The following PACSIN2 variants were observed in gnomAD, a reference collection of about 807,000 sequenced individuals.
The protein encoded by PACSIN2 is protein kinase C and casein kinase substrate in neurons 2.
PACSIN2 carries 25 observed loss-of-function variants against 63.8 expected under a neutral mutation model. The ratio of observed to expected loss-of-function variants is 0.39; its 90% confidence interval spans 0.29 to 0.55. PACSIN2 has a LOEUF of 0.55. Among genes scored for constraint, PACSIN2 ranks in the 20% least tolerant of loss-of-function variants. The probability of loss-of-function intolerance (pLI) is 0.62; values close to 1 mark genes in which losing one functional copy is unlikely to be tolerated. For missense variants in PACSIN2, 518 were observed against 646.9 expected, an observed-to-expected ratio of 0.80 and a Z score of 2.16; for synonymous variants, 255 against 256.2, an observed-to-expected ratio of 1.00 and a Z score of 0.05.
intron 10 of PACSIN2, among the ~76,000 whole-genome samples, chr22:42,872,818 C>G (rs768369333): frequency 1.3e-5 from 2 of 152,256 alleles, no homozygotes; most frequent in African/African-American, 2.4e-5. Context: ...CAGACCAGTG[C>G]GCCTGCAGAT....
chr22:42,928,028 A>C (rs1301533310), intron 1 of PACSIN2, among the ~76,000 whole-genome samples: 1 of 152,148 alleles, frequency 6.6e-6, no homozygotes, highest in East Asian at 1.9e-4. Context: ...TGCAGCTTCC[A>C]CTTCTGTCCC....
At chr22:42,973,062 C>A (rs1444010820) in intron 1 of PACSIN2, among the ~76,000 whole-genome samples, 1 of 152,156 alleles carries the variant, frequency 6.6e-6, no homozygotes, top group Non-Finnish European at 1.5e-5. Context: ...TTTGACAGGG[C>A]AGTCATATAT....
chr22:42,904,919 C>G (rs1299576035), intron 2 of PACSIN2, among the ~76,000 whole-genome samples: 1 of 152,234 alleles, frequency 6.6e-6, no homozygotes. Context: ...CCACAAATGT[C>G]TCCATGGAGC....
intron 1 of PACSIN2, among the ~76,000 whole-genome samples, chr22:42,983,784 T>TG (rs1922412324): frequency 6.6e-6 from 1 of 151,258 alleles, no homozygotes; most frequent in East Asian, 2.0e-4. Flanking sequence ...CCCTAAACTA[T>TG]GTATTGTTTT....
intron 5 of PACSIN2, 46 bp from the exon 6 acceptor site, chr22:42,884,607 C>G (rs771508638): frequency 6.5e-7 from 1 of 1,547,838 alleles, no homozygotes; most frequent in Admixed American, 1.8e-5. Context: ...TTCCATTTAG[C>G]CCTTGGCTCA....
intron 4 of PACSIN2, 140 bp downstream of exon 4, chr22:42,890,807 A>G (rs774189603): frequency 1.1e-5 from 7 of 640,520 alleles, no homozygotes; most frequent in Non-Finnish European, 1.9e-5. Context: ...TTCTAGCCTG[A>G]GGAGTGGCTT....
At chr22:42,890,230 G>A (rs979639441) in intron 4 of PACSIN2, among the ~76,000 whole-genome samples, 6 of 152,174 alleles carry the variant, frequency 3.9e-5, no homozygotes, top group Middle Eastern at 3.4e-3. Context: ...TCAATCTCCT[G>A]ACCTCGTGAT....
intron 6 of PACSIN2, among the ~76,000 whole-genome samples, chr22:42,884,005 C>CA (rs113630394): frequency 0.028 from 3,759 of 133,948 alleles, 124 homozygotes; most frequent in African/African-American, 0.087. Context: ...GACTCCGTCT[C>CA]AAAAAAAAAA....
chr22:42,949,411 T>C (rs1601565804), intron 1 of PACSIN2, among the ~76,000 whole-genome samples: 1 of 152,106 alleles, frequency 6.6e-6, no homozygotes, highest in South Asian at 2.1e-4. Flanking sequence ...CTGAGAACTC[T>C]AGAAACACAA....
chr22:42,927,077 T>C (rs1430213477), intron 1 of PACSIN2, among the ~76,000 whole-genome samples: 1 of 152,180 alleles, frequency 6.6e-6, no homozygotes, highest in Non-Finnish European at 1.5e-5. Context: ...CAACAGGGGC[T>C]CCTCATGGCC....
At chr22:42,949,249 G>A (rs777700560) in intron 1 of PACSIN2, among the ~76,000 whole-genome samples, 1 of 152,208 alleles carries the variant, frequency 6.6e-6, no homozygotes, top group Non-Finnish European at 1.5e-5. Flanking sequence ...ATGACACATT[G>A]TATGTGAGTG....
rs1223490299 is a variant in PACSIN2, at chr22:42,870,341, C to T, written c.*1016G>A. 6.6e-6 allele frequency: 1 copy of T among 152,158 alleles called. No homozygotes were observed. Among genetic ancestry groups the T allele is most frequent in the Non-Finnish European group, 1.5e-5 (1 of 68,028 alleles). 9.4% of individuals were successfully genotyped at this position (152,158 alleles called of 1,614,324 possible). A position where few individuals can be genotyped will look rare whatever the true frequency, so the allele number is the denominator to read the frequency against. ...GGCCCACTGAGCCCGGGAGGAGACC[C>T]AGCCGGCCAGCCAGACGTGTGCCTG... On this transcript the variant is annotated 3_prime_UTR_variant, in exon 11 of 11. Transcript: ENST00000263246.
chr22:42,966,961 T>C (rs929494795), intron 1 of PACSIN2, among the ~76,000 whole-genome samples: 4 of 152,330 alleles, frequency 2.6e-5, no homozygotes, highest in Middle Eastern at 3.4e-3. Context: ...AATTCAGCCA[T>C]CTGACAAATA....
chr22:42,992,210 A>G (rs1311520696), intron 1 of PACSIN2, among the ~76,000 whole-genome samples: 1 of 152,238 alleles, frequency 6.6e-6, no homozygotes, highest in Admixed American at 6.5e-5. Flanking sequence ...TAAAGAGATA[A>G]TCACTAGGGA....
intron 2 of PACSIN2, among the ~76,000 whole-genome samples, chr22:42,898,120 C>T (rs1337260367): frequency 6.6e-6 from 1 of 152,006 alleles, no homozygotes; most frequent in Non-Finnish European, 1.5e-5. Context: ...GAACCCAGGG[C>T]ATGCGAGCCA....
intron 1 of PACSIN2, among the ~76,000 whole-genome samples, chr22:42,935,002 A>C (rs188588542): frequency 6.8e-6 from 1 of 146,850 alleles, no homozygotes; most frequent in Non-Finnish European, 1.5e-5. Flanking sequence ...TGCAAGCTCC[A>C]CCTCCCAGGT....
At chr22:42,975,611 C>CTTT (rs67294174) in intron 1 of PACSIN2, among the ~76,000 whole-genome samples, 1 of 139,430 alleles carries the variant, frequency 7.2e-6, no homozygotes, top group Admixed American at 7.2e-5. Flanking sequence ...TATAAGTATT[C>CTTT]TTTTTTTTTT....
chr22:42,878,028 A>G (rs1928776811), intron 8 of PACSIN2, among the ~76,000 whole-genome samples: 2 of 152,248 alleles, frequency 1.3e-5, no homozygotes, highest in Non-Finnish European at 2.9e-5. Flanking sequence ...GGCCTGCTGG[A>G]GGCCAATATC....
rs11340938 is a variant in PACSIN2 at position 42,945,096 on chromosome 22, CAA to C, written c.-77-32941_-77-32940del. Among the ~76,000 whole-genome samples, 227 of 137,652 alleles carry C rather than the reference CAA, an allele frequency of 1.6e-3. 1 individual carries two copies. Among genetic ancestry groups the C allele is most frequent in the Admixed American group, 7.1e-3 (99 of 13,954 alleles). The allele number at this position is 137,652 out of a possible 152,430, so 90.3% of individuals were successfully genotyped here. A position where few individuals can be genotyped will look rare whatever the true frequency, so the allele number is the denominator to read the frequency against. On this transcript the variant is annotated intron_variant, in intron 1 of 10. Transcript: ENST00000263246. ...CTGGACGACAGGGCAAGACTCGTCT[CAA>C]AAAAAAAAAAAAAGAGGCAAGGGCT...
Sources: gnomAD v4.1 joint callset for allele counts (sites outside exome capture counted in the v4.1 genomes callset) on GRCh38, gnomAD v4.1.1 for gene constraint, MANE v1.5 for transcripts, NCBI Gene and HGNC (gene_info 2026-07-23, HGNC 2026-07-21) for gene names.